Variants in MYOF observed in about 807,000 individuals in gnomAD.
MYOF encodes myoferlin, also known as fer-1-like 3, myoferlin.
Under a neutral mutation model 284.2 loss-of-function variants are expected in MYOF, and 244 were observed. The ratio of observed to expected loss-of-function variants is 0.86; its 90% confidence interval spans 0.77 to 0.95. MYOF has a LOEUF of 0.95. Among genes scored for constraint, MYOF ranks in the 40% least tolerant of loss-of-function variants. MYOF has a pLI of 0.00. For synonymous variants in MYOF, 904 were observed against 919.7 expected (o/e 0.98, Z 0.31); for missense variants, 2,496 against 2,560.6 (o/e 0.97, Z 0.54).
At chr10:93,329,973 T>TG in intron 43 of MYOF, 139 bp from the exon 44 acceptor site, 1 of 765,674 alleles carries the variant, frequency 1.3e-6, no homozygotes, top group Non-Finnish European at 2.2e-6. Context: ...CCAGGGTGGG[T>TG]GGTGGTGGGT....
At chr10:93,429,858 AT>A (rs375565311) in intron 4 of MYOF, among the ~76,000 whole-genome samples, 5 of 151,372 alleles carry the variant, frequency 3.3e-5, no homozygotes, top group East Asian at 3.9e-4. Flanking sequence ...CACTTGAGTC[AT>A]TTTTTTTTAA....
intron 26 of MYOF, among the ~76,000 whole-genome samples, chr10:93,366,097 G>A (rs994667671): frequency 6.6e-6 from 1 of 152,158 alleles, no homozygotes; most frequent in Admixed American, 6.5e-5. Context: ...TCTTGCCACT[G>A]CCTCCCTTGT....
intron 49 of MYOF, among the ~76,000 whole-genome samples, chr10:93,318,751 T>C (rs1378914922): frequency 2.0e-5 from 3 of 152,052 alleles, no homozygotes; most frequent in Admixed American, 6.5e-5. Flanking sequence ...ACAGTGAAAC[T>C]CTGTCTCAAA....
chr10:93,309,716 T>C (rs1261006619), intron 53 of MYOF, among the ~76,000 whole-genome samples: 1 of 152,146 alleles, frequency 6.6e-6, no homozygotes, highest in African/African-American at 2.4e-5. Flanking sequence ...GAAGATCAGC[T>C]GGAAACGCTG....
At chr10:93,421,147 G>T (rs1024778584) in intron 5 of MYOF, among the ~76,000 whole-genome samples, 5 of 152,144 alleles carry the variant, frequency 3.3e-5, no homozygotes, top group African/African-American at 1.2e-4. Flanking sequence ...AACCGGGGAG[G>T]TGGAGGTTGC....
chr10:93,351,281 A>C lies in MYOF; in HGVS notation c.3837T>G (p.Leu1279=). ...GCGCCCTTTGAGGGGGAAGAATGGG[A>C]AGGTTGGAGCCATCCTGTGAAACAA... ...LILRGKDGSN[L]PILPPQRAPN... The change falls in exon 35 of 54, where the codon CTT becomes CTG. Residue 1279 remains leucine (L), a synonymous_variant. Transcript: ENST00000359263. 6.2e-7 allele frequency: 1 copy of C among 1,613,428 alleles called. No homozygotes were observed. Among genetic ancestry groups the C allele is most frequent in the Non-Finnish European group, 8.5e-7 (1 of 1,179,834 alleles).
At chr10:93,344,438 A>C (rs1333344349) in intron 37 of MYOF, among the ~76,000 whole-genome samples, 2 of 152,102 alleles carry the variant, frequency 1.3e-5, no homozygotes, top group African/African-American at 4.8e-5. Flanking sequence ...TGTCCATTGT[A>C]CCACTCTGCA....
chr10:93,445,824 G>T (rs1255117796), intron 3 of MYOF, among the ~76,000 whole-genome samples: 1 of 152,202 alleles, frequency 6.6e-6, no homozygotes, highest in Non-Finnish European at 1.5e-5. Flanking sequence ...CAACAGGCAG[G>T]ACATTCCTTA....
chr10:93,454,978 T>A (rs1390911723), intron 2 of MYOF, among the ~76,000 whole-genome samples: 2 of 118,248 alleles, frequency 1.7e-5, no homozygotes, highest in Admixed American at 2.0e-4. Flanking sequence ...GACCCTGTCT[T>A]TTTTTAATTA....
At chr10:93,392,034 G>A (rs894133844) in intron 17 of MYOF, among the ~76,000 whole-genome samples, 1 of 151,608 alleles carries the variant, frequency 6.6e-6, no homozygotes, top group Non-Finnish European at 1.5e-5. Flanking sequence ...AATATTCATT[G>A]ATTGGTTAAA....
At position 93,349,802 on chromosome 10, in the gene MYOF, C is replaced by T. The variant is rs762298307; in HGVS notation, c.4083+6G>A. 1 of 1,613,918 alleles carries T rather than the reference C, an allele frequency of 6.2e-7. No individual in the cohort carries two copies. Among genetic ancestry groups the T allele is most frequent in the Non-Finnish European group, 8.5e-7 (1 of 1,179,904 alleles). On this transcript the variant is annotated splice_donor_region_variant and intron_variant, in intron 36 of 53. Transcript: ENST00000359263. Reference sequence around the variant, plus strand: ...CATGGGTGATCACAGAGAATCGATACTGTACCACTTTCATGAAGAGAACAG... The same window carrying T: ...CATGGGTGATCACAGAGAATCGATATTGTACCACTTTCATGAAGAGAACAG...
In MYOF at chr10:93,325,960, T is replaced by G; in HGVS notation, c.5137A>C (p.Asn1713His). ...RDYSLDEFEA[N>H]KILHQHLGAP... Reference sequence around the variant, plus strand: ...CCGAGGTGCTGGTGCAGGATTTTGTTGGCTTCTGCAATGGAAAGCAGCATT... The same window carrying G: ...CCGAGGTGCTGGTGCAGGATTTTGTGGGCTTCTGCAATGGAAAGCAGCATT... The change falls in exon 46 of 54, where the codon AAC becomes CAC. Residue 1713 changes from asparagine (N) to histidine (H), a missense_variant. Physicochemically the swap from Asn to His is moderately conservative, Grantham distance 68. This residue lies in a region of MYOF where 2,436 missense variants were observed against 2,480.7 expected (regional missense o/e 0.98). Coordinates refer to ENST00000359263, the MANE Select transcript of MYOF (RefSeq NM_013451.4). 1 of 1,614,072 alleles carries G rather than the reference T, an allele frequency of 6.2e-7. No homozygotes were observed. The highest frequency in any genetic ancestry group is 1.1e-5 in the South Asian group (1 of 91,064).
At chr10:93,407,060 T>G (rs569988639) in intron 7 of MYOF, among the ~76,000 whole-genome samples, 1 of 152,052 alleles carries the variant, frequency 6.6e-6, no homozygotes, top group Non-Finnish European at 1.5e-5. Context: ...TTTGTGGCAT[T>G]TGAGATGATT....
At chr10:93,450,999 G>A (rs746639467) in intron 3 of MYOF, among the ~76,000 whole-genome samples, 4 of 152,114 alleles carry the variant, frequency 2.6e-5, no homozygotes, top group Non-Finnish European at 5.9e-5. Flanking sequence ...CTGTCACTAG[G>A]CAATTGACTT....
intron 1 of MYOF, among the ~76,000 whole-genome samples, chr10:93,465,226 G>C (rs2056974921): frequency 6.6e-6 from 1 of 152,190 alleles, no homozygotes; most frequent in Non-Finnish European, 1.5e-5. Flanking sequence ...GGTCGAAAGA[G>C]ACAAAAAGCA....
chr10:93,406,359 A>AT (rs1391534572), intron 7 of MYOF, among the ~76,000 whole-genome samples: 6 of 126,734 alleles, frequency 4.7e-5, no homozygotes, highest in South Asian at 5.5e-4. Context: ...ATCCCGTAAA[A>AT]TTTTTTTATC....
At chr10:93,463,592 G>T (rs765005254) in intron 1 of MYOF, among the ~76,000 whole-genome samples, 6 of 151,376 alleles carry the variant, frequency 4.0e-5, no homozygotes, top group Non-Finnish European at 8.8e-5. Flanking sequence ...AGAGATGGGG[G>T]TTTCACCATT....
At chr10:93,319,646 TG>T (rs1564614634) in intron 49 of MYOF, among the ~76,000 whole-genome samples, 1 of 152,114 alleles carries the variant, frequency 6.6e-6, no homozygotes, top group East Asian at 1.9e-4. Flanking sequence ...TATGTGAGTA[TG>T]TGAGGGGAAA....
Position 93,353,674 on chromosome 10 carries a change from C to T in MYOF, c.3481+137G>A, listed in dbSNP as rs1384822586. The T allele has an allele frequency of 2.1e-5, 13 of 631,896 alleles. No individual in the cohort carries two copies. In the East Asian group the frequency reaches 2.7e-4, roughly 13 times the overall value. 39.1% of individuals were successfully genotyped at this position (631,896 alleles called of 1,614,324 possible). On this transcript the variant is annotated intron_variant, in intron 32 of 53. Transcript: ENST00000359263. ...ATTTATCTAATGACTGAGCAGTTTGCTTCAAGCATGCAAAAATAACCTCAA... is the reference window on the plus strand; with the variant it reads ...ATTTATCTAATGACTGAGCAGTTTGTTTCAAGCATGCAAAAATAACCTCAA...
Sources: allele counts gnomAD v4.1 joint callset (sites outside exome capture counted in the v4.1 genomes callset), GRCh38; gene constraint gnomAD v4.1.1; regional missense constraint gnomAD v4.1.1; transcripts MANE v1.5; gene names NCBI Gene and HGNC (gene_info 2026-07-23, HGNC 2026-07-21).